Variants in C5 observed in about 807,000 individuals in gnomAD.
C5 encodes complement C5.
Under a neutral mutation model 218.8 loss-of-function variants are expected in C5, and 140 were observed. That is an observed-to-expected ratio of 0.64 (90% CI 0.56 to 0.74). C5 has a LOEUF of 0.74. Among genes scored for constraint, C5 ranks in the 30% least tolerant of loss-of-function variants. C5 has a pLI of 0.00. For missense variants in C5, 1,700 were observed against 1,969.6 expected (o/e 0.86, Z 2.59); for synonymous variants, 614 against 682.3 (o/e 0.90, Z 1.56).
chr9:121,023,302 G>C lies in C5; in HGVS notation c.1116+102C>G, dbSNP rs901022576. On this transcript the variant is annotated intron_variant, in intron 10 of 40. Coordinates refer to ENST00000223642, the MANE Select transcript of C5 (RefSeq NM_001735.3). ...GTTTCACAGAATAAGCTCCCTCTGTGACTTCATGGCAACATTCTTACCCTG... is the reference window on the plus strand; with the variant it reads ...GTTTCACAGAATAAGCTCCCTCTGTCACTTCATGGCAACATTCTTACCCTG... The C allele has an allele frequency of 3.7e-6, 3 of 811,848 alleles. No homozygotes were observed. In the African/African-American group the frequency reaches 5.0e-5, roughly 14 times the overall value. The allele number at this position is 811,848 out of a possible 1,614,324, so 50.3% of individuals were successfully genotyped here. A position where few individuals can be genotyped will look rare whatever the true frequency, so the allele number is the denominator to read the frequency against.
chr9:121,002,283 T>C (rs2047174947), intron 20 of C5, among the ~76,000 whole-genome samples: 1 of 116,164 alleles, frequency 8.6e-6, no homozygotes, highest in African/African-American at 3.2e-5. Flanking sequence ...TATATATACG[T>C]ATATATGTAT....
At chr9:120,996,484 C>T (rs1424710870) in intron 21 of C5, among the ~76,000 whole-genome samples, 184 bp from the exon 22 acceptor site, 3 of 152,148 alleles carry the variant, frequency 2.0e-5, no homozygotes, top group South Asian at 4.1e-4. Context: ...TGCATATTGA[C>T]CAGAGCAAAT....
At position 120,997,696 on chromosome 9, in the gene C5, A is replaced by G. The variant is rs2047128574; in HGVS notation, c.2641T>C (p.Ser881Pro). ...PVIDHQGTKS[S>P]KCVRQKVEGS... ...TCTACTTTCTGGCGCACACATTTGG[A>G]GGACTTTGTGCCCTGATGATCAATG... Residue 881 changes from serine (S) to proline (P), a missense_variant, in exon 21 of 41, where the codon TCC (serine) becomes CCC (proline). Transcript: ENST00000223642. 6.2e-7 allele frequency: 1 copy of G among 1,614,196 alleles called. No individual in the cohort carries two copies. Among genetic ancestry groups the G allele is most frequent in the Admixed American group, 1.7e-5 (1 of 60,030 alleles).
At chr9:121,016,677 A>C (rs750005467) in intron 14 of C5, among the ~76,000 whole-genome samples, 1 of 152,226 alleles carries the variant, frequency 6.6e-6, no homozygotes, top group African/African-American at 2.4e-5. Flanking sequence ...GAATGCTGCA[A>C]TCAATATAAT....
At chr9:121,014,768 T>A (rs1438280328) in intron 16 of C5, among the ~76,000 whole-genome samples, 1 of 152,178 alleles carries the variant, frequency 6.6e-6, no homozygotes, top group Non-Finnish European at 1.5e-5. Flanking sequence ...TTAAAATAAT[T>A]CTCACAAGAT....
chr9:121,041,847 A>T (rs565246658), intron 3 of C5, among the ~76,000 whole-genome samples: 2 of 152,314 alleles, frequency 1.3e-5, no homozygotes, highest in Non-Finnish European at 2.9e-5. Flanking sequence ...CTTGGAGAAA[A>T]AAGATGCTAT....
At chr9:121,073,379 A>G in the C5 span, among the ~76,000 whole-genome samples, 1 of 152,222 alleles carries the variant, frequency 6.6e-6, no homozygotes, top group African/African-American at 2.4e-5. Context: ...GGGCGTAGAA[A>G]GAAGTATTGC....
chr9:121,038,047 TA>T, intron 3 of C5, 96 bp from the exon 4 acceptor site: 2 of 612,508 alleles, frequency 3.3e-6, no homozygotes, highest in Non-Finnish European at 5.7e-6. Context: ...AATCTTACTT[TA>T]AAAAACTCAA....
chr9:121,066,479 G>T, the C5 span, among the ~76,000 whole-genome samples: 2 of 151,916 alleles, frequency 1.3e-5, no homozygotes, highest in African/African-American at 4.8e-5. Flanking sequence ...TGAGCAAAGA[G>T]AAATATTTAA....
chr9:121,065,272 T>C, the C5 span, among the ~76,000 whole-genome samples: 2 of 152,272 alleles, frequency 1.3e-5, no homozygotes, highest in South Asian at 4.1e-4. Flanking sequence ...AAATTTTGGA[T>C]AGTCAGGGAG....
At chr9:121,028,702 G>A (rs886218784) in intron 7 of C5, among the ~76,000 whole-genome samples, 1 of 152,096 alleles carries the variant, frequency 6.6e-6, no homozygotes, top group Non-Finnish European at 1.5e-5. Flanking sequence ...CATGGGGTGG[G>A]GGACGGGGAG....
rs201741761 is a variant in C5 at position 121,017,551 on chromosome 9, T to C, written c.1717-40A>G. 1,353 of 1,610,098 alleles carry C rather than the reference T, an allele frequency of 8.4e-4. 12 individuals are homozygous for C. In the African/African-American group the frequency reaches 0.015, roughly 18 times the overall value. The stretch of plus-strand genomic sequence containing the variant: ...GAAAAAGAAAAGAAAAGATCATTTG[T>C]ATGAGACAAGACTTTTCAGAAGCAG... On this transcript the variant is annotated intron_variant, in intron 13 of 40. Transcript: ENST00000223642.
chr9:121,058,122 GC>G, the C5 span, among the ~76,000 whole-genome samples: 3 of 152,148 alleles, frequency 2.0e-5, no homozygotes, highest in Admixed American at 2.0e-4. Flanking sequence ...CCTTTAAGGA[GC>G]TTATCCAAAT....
intron 22 of C5, among the ~76,000 whole-genome samples, chr9:120,992,039 A>T (rs1164637755): frequency 1.3e-5 from 2 of 152,242 alleles, no homozygotes; most frequent in Non-Finnish European, 2.9e-5. Context: ...AGCCCACACT[A>T]GTCACCACAA....
chr9:121,025,684 G>A, intron 8 of C5, 104 bp from the exon 9 acceptor site: 1 of 1,132,122 alleles, frequency 8.8e-7, no homozygotes, highest in Non-Finnish European at 1.3e-6. Flanking sequence ...GTAAATGTCA[G>A]AAGAATGGTT....
At chr9:121,018,405 C>T (rs1471289063) in intron 12 of C5, among the ~76,000 whole-genome samples, 1 of 151,578 alleles carries the variant, frequency 6.6e-6, no homozygotes, top group African/African-American at 2.4e-5. Context: ...GAAACCCTGG[C>T]TCTACTAAAA....
At chr9:120,962,562 C>A in intron 36 of C5, 109 bp downstream of exon 36, 1 of 847,050 alleles carries the variant, frequency 1.2e-6, no homozygotes, top group South Asian at 1.3e-5. Flanking sequence ...GAAGAGTGGT[C>A]CCTAAGAGAG....
In C5 at chr9:121,038,036, G is replaced by T. The variant is rs997342239; in HGVS notation, c.422-85C>A. 6.0e-5 allele frequency: 39 copies of T among 647,348 alleles called. No homozygotes were observed. In the African/African-American group the frequency reaches 7.1e-4, roughly 12 times the overall value. 40.1% of individuals were successfully genotyped at this position (647,348 alleles called of 1,614,324 possible). A position where few individuals can be genotyped will look rare whatever the true frequency, so the allele number is the denominator to read the frequency against. ...TAAAACAACCATCCTTAAAAGAGAT[G>T]AATCTTACTTTAAAAAACTCAATAC... On this transcript the variant is annotated intron_variant, in intron 3 of 40. Transcript: ENST00000223642.
At chr9:120,962,645 A>C in intron 36 of C5, 26 bp downstream of exon 36, 3 of 1,470,820 alleles carry the variant, frequency 2.0e-6, no homozygotes, top group Non-Finnish European at 2.9e-6. Context: ...ATTCTTCTGA[A>C]GAAATGTTAG....
Sources: allele counts gnomAD v4.1 joint callset (sites outside exome capture counted in the v4.1 genomes callset), GRCh38; gene constraint gnomAD v4.1.1; transcripts MANE v1.5; gene names NCBI Gene and HGNC (gene_info 2026-07-23, HGNC 2026-07-21).